Variants in PRKCA observed in about 807,000 individuals in gnomAD.
PRKCA encodes protein kinase C alpha type.
A neutral mutation model predicts 87.0 loss-of-function variants in PRKCA; 27 were observed. The ratio of observed to expected loss-of-function variants is 0.31; its 90% confidence interval spans 0.23 to 0.43. PRKCA has a LOEUF of 0.43. PRKCA is among the 20% of genes least tolerant of loss of function. The pLI is 1.00. For synonymous variants in PRKCA, 329 were observed against 311.1 expected (o/e 1.06, Z -0.61); for missense variants, 518 against 852.3 (o/e 0.61, Z 4.88).
chr17:66,370,210 A>C (rs985505993), intron 2 of PRKCA, among the ~76,000 whole-genome samples: 1 of 149,890 alleles, frequency 6.7e-6, no homozygotes, highest in African/African-American at 2.4e-5. Context: ...TGAAGCGATA[A>C]ATAAAGCTAT....
chr17:66,448,980 T>TAAAAAAAAAAA (rs58373500), intron 2 of PRKCA, among the ~76,000 whole-genome samples: 1 of 140,604 alleles, frequency 7.1e-6, no homozygotes, highest in African/African-American at 2.6e-5. Flanking sequence ...ACTCTAAACT[T>TAAAAAAAAAAA]AAAAAAAAAA....
intron 3 of PRKCA, among the ~76,000 whole-genome samples, chr17:66,585,893 A>G (rs9646428): frequency 0.34 from 51,908 of 152,010 alleles, 9,271 homozygotes; most frequent in African/African-American, 0.4. Flanking sequence ...GGAACTCAAT[A>G]TGTGTCCTTG....
chr17:66,714,419 C>T (rs949521930), intron 8 of PRKCA, among the ~76,000 whole-genome samples: 2 of 152,216 alleles, frequency 1.3e-5, no homozygotes, highest in African/African-American at 4.8e-5. Flanking sequence ...CCACCTTGCC[C>T]TCAGGCAGCC....
chr17:66,316,597 G>A (rs1036298977), intron 2 of PRKCA, among the ~76,000 whole-genome samples: 1 of 152,080 alleles, frequency 6.6e-6, no homozygotes, highest in African/African-American at 2.4e-5. Flanking sequence ...GCCCAAGACA[G>A]TTCTTCCAGT....
intron 2 of PRKCA, among the ~76,000 whole-genome samples, chr17:66,460,466 C>T (rs1914793375): frequency 6.6e-6 from 1 of 152,176 alleles, no homozygotes; most frequent in Non-Finnish European, 1.5e-5. Context: ...CCCTTTCATC[C>T]TTTACCCCCA....
At chr17:66,356,432 G>A (rs1346759715) in intron 2 of PRKCA, among the ~76,000 whole-genome samples, 1 of 152,032 alleles carries the variant, frequency 6.6e-6, no homozygotes, top group Non-Finnish European at 1.5e-5. Context: ...TCAGGAGATC[G>A]AGGCCATCCT....
chr17:66,323,452 T>A (rs1905798660), intron 2 of PRKCA, among the ~76,000 whole-genome samples: 1 of 152,204 alleles, frequency 6.6e-6, no homozygotes, highest in African/African-American at 2.4e-5. Flanking sequence ...ATAAAATGGT[T>A]TATGTTAAAT....
intron 3 of PRKCA, among the ~76,000 whole-genome samples, chr17:66,515,638 G>T (rs1966943327): frequency 6.6e-6 from 1 of 152,074 alleles, no homozygotes; most frequent in Admixed American, 6.6e-5. Flanking sequence ...AATTCTCTGG[G>T]CTCAGGTGAT....
chr17:66,368,384 ATATTTTTTTTTTT>A (rs1908885192), intron 2 of PRKCA, among the ~76,000 whole-genome samples: 7 of 27,010 alleles, frequency 2.6e-4, no homozygotes, highest in Non-Finnish European at 5.1e-4. Context: ...ATATATATAT[ATATTTTTTTTTTT>A]TTTTTTTTTT....
intron 16 of PRKCA, among the ~76,000 whole-genome samples, chr17:66,802,611 C>T (rs1006961820): frequency 6.6e-6 from 1 of 152,176 alleles, no homozygotes; most frequent in African/African-American, 2.4e-5. Flanking sequence ...GCCCGTGAGA[C>T]TCAACTGCCT....
intron 14 of PRKCA, among the ~76,000 whole-genome samples, chr17:66,785,994 A>G (rs1975377007): frequency 6.6e-6 from 1 of 152,022 alleles, no homozygotes. Context: ...ATGCCCGGCT[A>G]ATTTTTTGTA....
rs76433379 is a variant in PRKCA, at chr17:66,781,795, G to A, written c.1606-5072G>A. Among the ~76,000 whole-genome samples the A allele has an allele frequency of 6.0e-4, 91 of 151,128 alleles. 1 individual carries two copies. In the East Asian group the frequency reaches 0.017, roughly 28 times the overall value. ...GTGATGGTTACGGAGAAACATGAAC[G>A]TACTTAATGCCACAGTACAGTGCAC... On this transcript the variant is annotated intron_variant, in intron 14 of 16. Transcript: ENST00000413366.
chr17:66,340,304 G>A (rs1479194687), intron 2 of PRKCA, among the ~76,000 whole-genome samples: 1 of 151,286 alleles, frequency 6.6e-6, no homozygotes, highest in African/African-American at 2.4e-5. Flanking sequence ...TTGGGTGGAC[G>A]ACTTAGCCCT....
rs143334643 is a variant in PRKCA at position 66,776,456 on chromosome 17, C to T, written c.1605+2389C>T. Among the ~76,000 whole-genome samples, 48 of 152,134 alleles carry T rather than the reference C, an allele frequency of 3.2e-4. No individual in the cohort carries two copies. The East Asian group carries it at 8.7e-3, about 28-fold the overall frequency. ...TCCTTAGTAGCTGGGATTACAGGCA[C>T]CTGCCAACACGCTTGGCTAATTTTT... On this transcript the variant is annotated intron_variant, in intron 14 of 16. Coordinates refer to ENST00000413366, the MANE Select transcript of PRKCA (RefSeq NM_002737.3).
intron 2 of PRKCA, among the ~76,000 whole-genome samples, chr17:66,352,965 T>G (rs1317549058): frequency 2.0e-5 from 3 of 152,188 alleles, no homozygotes; most frequent in African/African-American, 7.2e-5. Flanking sequence ...ATCCAGCCAT[T>G]TATATTTCTA....
chr17:66,445,653 G>C (rs1349031984), intron 2 of PRKCA, among the ~76,000 whole-genome samples: 1 of 152,230 alleles, frequency 6.6e-6, no homozygotes, highest in Admixed American at 6.5e-5. Flanking sequence ...TTACGGCCTT[G>C]CTGTGTGTCC....
chr17:66,607,131 A>G (rs1970232345), intron 3 of PRKCA, among the ~76,000 whole-genome samples: 1 of 152,212 alleles, frequency 6.6e-6, no homozygotes, highest in Non-Finnish European at 1.5e-5. Flanking sequence ...GTTTTTGCAG[A>G]TTATTTCAAT....
At position 66,792,989 on chromosome 17, in the gene PRKCA, C is replaced by A. The variant is rs897592041; in HGVS notation, c.1854+4010C>A. 2.0e-5 allele frequency among the ~76,000 whole-genome samples: 3 copies of A among 152,208 alleles called. No individual in the cohort carries two copies. In the South Asian group the frequency reaches 6.2e-4, roughly 32 times the overall value. Reference sequence around the variant, plus strand: ...GTGCCACCGTGAAGATGATGATTTTCTGGAAGATGGGACAATCACTTCTCA... The same window carrying A: ...GTGCCACCGTGAAGATGATGATTTTATGGAAGATGGGACAATCACTTCTCA... On this transcript the variant is annotated intron_variant, in intron 16 of 16. Coordinates refer to ENST00000413366, the MANE Select transcript of PRKCA (RefSeq NM_002737.3). The surrounding 1 kb of genome is among the most constrained non-coding windows in gnomAD (Gnocchi z 4.5).
At chr17:66,369,902 A>C (rs1462870361) in intron 2 of PRKCA, among the ~76,000 whole-genome samples, 1 of 152,236 alleles carries the variant, frequency 6.6e-6, no homozygotes, top group Non-Finnish European at 1.5e-5. Context: ...GCCTGTTTGC[A>C]TCACTGCCAG....
Sources: allele counts gnomAD v4.1 joint callset (sites outside exome capture counted in the v4.1 genomes callset), GRCh38; gene constraint gnomAD v4.1.1; non-coding constraint Gnocchi (gnomAD v3.1); transcripts MANE v1.5; gene names NCBI Gene and HGNC (gene_info 2026-07-23, HGNC 2026-07-21).